Variants in IL1RAPL2 observed in about 807,000 individuals in gnomAD.
IL1RAPL2 encodes interleukin 1 receptor accessory protein like 2.
Under a neutral mutation model 44.1 loss-of-function variants are expected in IL1RAPL2, and 3 were observed. The ratio of observed to expected loss-of-function variants is 0.07; its 90% CI spans 0.03 to 0.18. IL1RAPL2 has a LOEUF of 0.18. Among genes scored for constraint, IL1RAPL2 ranks in the 10% least tolerant of loss-of-function variants. The probability of loss-of-function intolerance (pLI) is 1.00; values close to 1 mark genes in which losing one functional copy is unlikely to be tolerated. For missense variants in IL1RAPL2, 391 were observed against 496.4 expected, an observed-to-expected ratio of 0.79 and a Z score of 2.02; for synonymous variants, 181 against 178.8, an observed-to-expected ratio of 1.01 and a Z score of -0.10.
At position 105,392,607 on chromosome X, in the gene IL1RAPL2, A is replaced by C. The variant is rs1210589783; in HGVS notation, c.698-91706A>C. ...GGAACTTTGACAGTGACATTTTTTTAAGGTGCAAGTGGCATATTTGTGAGT... is the reference window on the plus strand; with the variant it reads ...GGAACTTTGACAGTGACATTTTTTTCAGGTGCAAGTGGCATATTTGTGAGT... On this transcript the variant is annotated intron_variant, in intron 5 of 10. Coordinates refer to ENST00000372582, the MANE Select transcript of IL1RAPL2 (RefSeq NM_017416.2). Among the ~76,000 whole-genome samples, 3 of 111,828 alleles carry C rather than the reference A, an allele frequency of 2.7e-5. No individual in the cohort carries two copies. The East Asian group carries it at 8.4e-4, about 31-fold the overall frequency.
chrX:105,268,666 G>A (rs1489930209), intron 5 of IL1RAPL2, among the ~76,000 whole-genome samples: 1 of 110,969 alleles, frequency 9.0e-6, no homozygotes, highest in Non-Finnish European at 1.9e-5. Flanking sequence ...CTACTAGGGA[G>A]GCTGAGACAG....
At chrX:105,076,753 ATAGT>A (rs1448322472) in intron 2 of IL1RAPL2, among the ~76,000 whole-genome samples, 3 of 111,410 alleles carry the variant, frequency 2.7e-5, no homozygotes, top group African/African-American at 6.6e-5. Context: ...TATATTTAGG[ATAGT>A]TAGTTCTTCT....
intron 2 of IL1RAPL2, among the ~76,000 whole-genome samples, chrX:105,005,033 A>C (rs1010700981): frequency 9.1e-6 from 1 of 110,127 alleles, no homozygotes; most frequent in Non-Finnish European, 1.9e-5. Context: ...TCATGCCTTC[A>C]GCCTTCCTCC....
chrX:104,605,944 A>T (rs1929000403), intron 1 of IL1RAPL2, among the ~76,000 whole-genome samples: 1 of 112,086 alleles, frequency 8.9e-6, no homozygotes, highest in Admixed American at 9.5e-5. Flanking sequence ...ATAGAAAAAG[A>T]GGGAGTCCTC....
chrX:105,301,779 T>C lies in IL1RAPL2; in HGVS notation c.697+34238T>C, dbSNP rs183697523. 2.6e-3 allele frequency among the ~76,000 whole-genome samples: 293 copies of C among 112,435 alleles called. 1 individual carries two copies. Among genetic ancestry groups the C allele is most frequent in the African/African-American group, 8.9e-3 (276 of 30,977 alleles). On this transcript the variant is annotated intron_variant, in intron 5 of 10. Coordinates refer to ENST00000372582, the MANE Select transcript of IL1RAPL2 (RefSeq NM_017416.2). ...TTTTAAAAATCCATTAATCTGTTGA[T>C]GGACACTTGGTTGCTTCCAAATCTT...
In IL1RAPL2 at chrX:105,012,670, C is replaced by G. The variant is rs867258303; in HGVS notation, c.83-182805C>G. Among the ~76,000 whole-genome samples the G allele has an allele frequency of 5.7e-4, 46 of 80,614 alleles. 2 individuals carry two copies. The highest frequency in any genetic ancestry group is 2.3e-3 in the African/African-American group (43 of 18,320). 70.0% of individuals were successfully genotyped at this position (80,614 alleles called of 115,157 possible). A position where few individuals can be genotyped will look rare whatever the true frequency, so the allele number is the denominator to read the frequency against. ...TCACACACACACACACACACACACACACACAGAGAGAGAGAGAGAGAATAA... is the reference window on the plus strand; with the variant it reads ...TCACACACACACACACACACACACAGACACAGAGAGAGAGAGAGAGAATAA... On this transcript the variant is annotated intron_variant, in intron 2 of 10. Coordinates refer to ENST00000372582, the MANE Select transcript of IL1RAPL2 (RefSeq NM_017416.2).
At chrX:104,585,586 C>T (rs1372939118) in intron 1 of IL1RAPL2, among the ~76,000 whole-genome samples, 1 of 98,234 alleles carries the variant, frequency 1.0e-5, no homozygotes, top group Non-Finnish European at 2.0e-5. Flanking sequence ...CTCATCTTCT[C>T]CCTCTTTCCA....
At chrX:104,953,226 T>A (rs1364990398) in intron 2 of IL1RAPL2, among the ~76,000 whole-genome samples, 1 of 111,737 alleles carries the variant, frequency 8.9e-6, no homozygotes, top group African/African-American at 3.2e-5. Flanking sequence ...TCAAGGATGT[T>A]GTAGTCTATT....
intron 2 of IL1RAPL2, among the ~76,000 whole-genome samples, chrX:104,822,707 T>C (rs1286340542): frequency 2.7e-5 from 3 of 112,289 alleles, no homozygotes; most frequent in African/African-American, 9.7e-5. Flanking sequence ...CCAGCTTTGT[T>C]CTTTTTGCTT....
chrX:105,110,894 G>A (rs1460673770), intron 2 of IL1RAPL2, among the ~76,000 whole-genome samples: 1 of 111,365 alleles, frequency 9.0e-6, no homozygotes, highest in East Asian at 2.8e-4. Context: ...CCAAGATTGT[G>A]CCACTGCACT....
At chrX:105,033,331 C>A (rs888434419) in intron 2 of IL1RAPL2, among the ~76,000 whole-genome samples, 1 of 111,789 alleles carries the variant, frequency 8.9e-6, no homozygotes, top group Admixed American at 9.5e-5. Flanking sequence ...ATGGTCTTTA[C>A]ATTTTGGCAT....
At chrX:104,724,740 T>C (rs367564305) in intron 2 of IL1RAPL2, among the ~76,000 whole-genome samples, 42 of 111,607 alleles carry the variant, frequency 3.8e-4, no homozygotes, top group African/African-American at 1.2e-3. Context: ...TTCTTGTTCA[T>C]ATGGCAATGC....
intron 2 of IL1RAPL2, among the ~76,000 whole-genome samples, chrX:104,812,056 T>C (rs774495255): frequency 9.0e-6 from 1 of 111,332 alleles, no homozygotes; most frequent in East Asian, 2.8e-4. Context: ...GGAAGGGCAA[T>C]GCAAATGGCC....
Position 105,263,229 on chromosome X carries a change from T to G in IL1RAPL2, c.544-4159T>G, listed in dbSNP as rs759665632. ...GATGTTTAGATGCCCTGTGGGAGAA[T>G]ACAGTCTCCAGGGGAAAGGAGAAAA... On this transcript the variant is annotated intron_variant, in intron 4 of 10. Transcript: ENST00000372582. 7.1e-5 allele frequency among the ~76,000 whole-genome samples: 6 copies of G among 84,395 alleles called. No homozygotes were observed. In the South Asian group the frequency reaches 3.0e-3, roughly 42 times the overall value. The allele number at this position is 84,395 out of a possible 115,157, so 73.3% of individuals were successfully genotyped here.
chrX:105,169,480 GTTTC>G (rs1569396630), intron 2 of IL1RAPL2, among the ~76,000 whole-genome samples: 3 of 59,952 alleles, frequency 5.0e-5, no homozygotes, highest in Admixed American at 1.7e-4. Flanking sequence ...GAAACTTTCA[GTTTC>G]TTTCTTTCTT....
At chrX:104,627,710 A>T (rs1929543537) in intron 1 of IL1RAPL2, among the ~76,000 whole-genome samples, 1 of 111,206 alleles carries the variant, frequency 9.0e-6, no homozygotes, top group Admixed American at 9.6e-5. Context: ...AAAGACTATG[A>T]TGACCTGGTA....
intron 3 of IL1RAPL2, among the ~76,000 whole-genome samples, chrX:105,203,875 A>G (rs1223553325): frequency 8.9e-6 from 1 of 111,890 alleles, no homozygotes; most frequent in African/African-American, 3.2e-5. Flanking sequence ...GTTAGAAGGC[A>G]CTAGGGATAT....
chrX:105,174,875 C>T (rs1162841888), intron 2 of IL1RAPL2, among the ~76,000 whole-genome samples: 3 of 111,397 alleles, frequency 2.7e-5, no homozygotes, highest in Non-Finnish European at 3.8e-5. Context: ...ACAATAAGAT[C>T]GCTATAATTT....
intron 2 of IL1RAPL2, among the ~76,000 whole-genome samples, chrX:104,739,324 T>C (rs1932065591): frequency 8.9e-6 from 1 of 112,281 alleles, no homozygotes; most frequent in African/African-American, 3.2e-5. Context: ...TATTTATTTT[T>C]AAAAAAACAG....
Sources: allele counts gnomAD v4.1 joint callset (sites outside exome capture counted in the v4.1 genomes callset), GRCh38; gene constraint gnomAD v4.1.1; transcripts MANE v1.5; gene names NCBI Gene and HGNC (gene_info 2026-07-23, HGNC 2026-07-21).